FBXL17: variants seen among roughly 807,000 people sequenced by gnomAD.
FBXL17 encodes F-box/LRR-repeat protein 17.
FBXL17 carries 22 observed loss-of-function variants against 66.2 expected under a neutral mutation model. The ratio of observed to expected loss-of-function variants is 0.33; its 90% confidence interval spans 0.24 to 0.47. The LOEUF (loss-of-function observed/expected upper bound fraction) is 0.47. FBXL17 is among the 20% of genes least tolerant of loss of function. The pLI, the probability that FBXL17 is intolerant of heterozygous loss-of-function variation, is 1.00. For synonymous variants in FBXL17, 474 were observed against 400.5 expected (o/e 1.18, Z -2.19); for missense variants, 878 against 948.2 (o/e 0.93, Z 0.97).
rs79651563 is a variant in FBXL17 at position 108,033,806 on chromosome 5, C to T, written c.1746-12805G>A. On this transcript the variant is annotated intron_variant, in intron 6 of 8. Coordinates refer to ENST00000542267, the MANE Select transcript of FBXL17 (RefSeq NM_001163315.3). ...CAAATTTTAGACATTCTGATGAGTTCGTAAAGACGAGTTCAACATTAAAAA... is the reference window on the plus strand; with the variant it reads ...CAAATTTTAGACATTCTGATGAGTTTGTAAAGACGAGTTCAACATTAAAAA... Among the ~76,000 whole-genome samples, 908 of 152,104 alleles carry T rather than the reference C, an allele frequency of 6.0e-3. 7 individuals are homozygous for T. Among genetic ancestry groups the T allele is most frequent in the African/African-American group, 0.021 (872 of 41,496 alleles).
chr5:108,112,710 G>T (rs1023939867), intron 6 of FBXL17, among the ~76,000 whole-genome samples: 1 of 149,218 alleles, frequency 6.7e-6, no homozygotes, highest in African/African-American at 2.4e-5. Flanking sequence ...GCTCAAGAAG[G>T]AGAAGGAATG....
intron 4 of FBXL17, among the ~76,000 whole-genome samples, chr5:108,225,005 G>A (rs912011918): frequency 1.3e-5 from 2 of 151,864 alleles, no homozygotes; most frequent in Admixed American, 6.6e-5. Context: ...CAGTATATTC[G>A]CAAGTTTATG....
chr5:108,008,917 G>A (rs56333026), intron 7 of FBXL17, among the ~76,000 whole-genome samples: 2,685 of 151,648 alleles, frequency 0.018, 60 homozygotes, highest in African/African-American at 0.052. Flanking sequence ...CTTTATGAGC[G>A]GAAATAAAAT....
At chr5:108,298,269 T>G in intron 4 of FBXL17, 1 of 984,820 alleles carries the variant, frequency 1.0e-6, no homozygotes, top group Non-Finnish European at 1.2e-6. Flanking sequence ...CTTACTACTA[T>G]GTGAACAAGA....
intron 6 of FBXL17, among the ~76,000 whole-genome samples, chr5:108,039,565 C>A (rs1326021736): frequency 6.6e-6 from 1 of 152,052 alleles, no homozygotes; most frequent in Admixed American, 6.6e-5. Flanking sequence ...AATAAAATTA[C>A]TTCCCAAAGC....
chr5:108,156,451 T>A (rs1399908858), intron 6 of FBXL17, among the ~76,000 whole-genome samples: 2 of 151,998 alleles, frequency 1.3e-5, no homozygotes, highest in Admixed American at 1.3e-4. Flanking sequence ...AACTACATAA[T>A]CCTATTTATA....
chr5:108,242,203 T>C (rs1755883906), intron 4 of FBXL17, among the ~76,000 whole-genome samples: 1 of 152,130 alleles, frequency 6.6e-6, no homozygotes, highest in Non-Finnish European at 1.5e-5. Context: ...TCAAAAATAA[T>C]AACTACAACA....
chr5:108,249,809 C>G (rs1180761525), intron 4 of FBXL17, among the ~76,000 whole-genome samples: 1 of 152,084 alleles, frequency 6.6e-6, no homozygotes, highest in Non-Finnish European at 1.5e-5. Flanking sequence ...TAGATATATT[C>G]TTGTACTAAC....
chr5:108,365,209 T>G (rs1828457), intron 2 of FBXL17, among the ~76,000 whole-genome samples: 129,986 of 152,006 alleles, frequency 0.86, 55,894 homozygotes, highest in African/African-American at 0.95. Context: ...TCTTGCCACA[T>G]ATTTCCCAAA....
intron 6 of FBXL17, among the ~76,000 whole-genome samples, chr5:108,047,476 C>T (rs1580369767): frequency 6.6e-6 from 1 of 152,196 alleles, no homozygotes; most frequent in Admixed American, 6.5e-5. Context: ...CTGTTTAAGT[C>T]CTGTGAGCTC....
intron 7 of FBXL17, among the ~76,000 whole-genome samples, chr5:107,923,164 C>T (rs1387864061): frequency 6.6e-6 from 1 of 152,050 alleles, no homozygotes; most frequent in Non-Finnish European, 1.5e-5. Context: ...AAAAACAAGG[C>T]AGGAATTGAA....
intron 6 of FBXL17, among the ~76,000 whole-genome samples, chr5:108,025,651 T>C (rs747963240): frequency 6.6e-6 from 1 of 150,986 alleles, no homozygotes; most frequent in Non-Finnish European, 1.5e-5. Context: ...AGATGGTAAG[T>C]GGGTAGGGGC....
In FBXL17 at chr5:108,015,923, T is replaced by C. The variant is rs181031086; in HGVS notation, c.1822+5002A>G. On this transcript the variant is annotated intron_variant, in intron 7 of 8. Coordinates refer to ENST00000542267, the MANE Select transcript of FBXL17 (RefSeq NM_001163315.3). ...ATTCTTGTCTGGAAAACAAGATGCA[T>C]TTTTTTTAATAAGCAGGCTAGCCTG... Among the ~76,000 whole-genome samples, 1,039 of 118,930 alleles carry C rather than the reference T, an allele frequency of 8.7e-3. 9 individuals are homozygous for C. Among genetic ancestry groups the C allele is most frequent in the African/African-American group, 0.024 (940 of 38,942 alleles). The allele number at this position is 118,930 out of a possible 152,430, so 78.0% of individuals were successfully genotyped here. A position where few individuals can be genotyped will look rare whatever the true frequency, so the allele number is the denominator to read the frequency against.
At chr5:108,255,782 T>G (rs1353435434) in intron 4 of FBXL17, among the ~76,000 whole-genome samples, 1 of 152,120 alleles carries the variant, frequency 6.6e-6, no homozygotes, top group African/African-American at 2.4e-5. Flanking sequence ...AAACATTTGT[T>G]GAGGAAATTA....
At chr5:107,927,947 T>A (rs763397447) in intron 7 of FBXL17, among the ~76,000 whole-genome samples, 1 of 152,092 alleles carries the variant, frequency 6.6e-6, no homozygotes, top group African/African-American at 2.4e-5. Context: ...AGATACCAAA[T>A]ATCCAAATAT....
At chr5:108,102,023 C>A (rs954956171) in intron 6 of FBXL17, among the ~76,000 whole-genome samples, 1 of 152,150 alleles carries the variant, frequency 6.6e-6, no homozygotes, top group East Asian at 1.9e-4. Flanking sequence ...ATTGGTGCGG[C>A]AGGGAATTTA....
intron 5 of FBXL17, among the ~76,000 whole-genome samples, chr5:108,222,494 G>C (rs1050680524): frequency 6.6e-6 from 1 of 151,988 alleles, no homozygotes; most frequent in Non-Finnish European, 1.5e-5. Context: ...AGAATAACAG[G>C]CCTATCCTCT....
Position 108,235,725 on chromosome 5 carries a change from C to T in FBXL17, c.1507-11497G>A, listed in dbSNP as rs555881037. Among the ~76,000 whole-genome samples, 4 of 152,324 alleles carry T rather than the reference C, an allele frequency of 2.6e-5. No homozygotes were observed. The South Asian group carries it at 8.3e-4, about 32-fold the overall frequency. The stretch of plus-strand genomic sequence containing the variant: ...TCATTTCATCCCACTATCCCCTCTC[C>T]TTGATCACTTTGTGATGATCTTTCC... On this transcript the variant is annotated intron_variant, in intron 4 of 8. Coordinates refer to ENST00000542267, the MANE Select transcript of FBXL17 (RefSeq NM_001163315.3).
At chr5:107,945,013 A>G (rs1040883443) in intron 7 of FBXL17, among the ~76,000 whole-genome samples, 4 of 152,062 alleles carry the variant, frequency 2.6e-5, no homozygotes, top group African/African-American at 4.8e-5. Context: ...CCAGTAAAAA[A>G]TATAACTGAC....
Sources: allele counts gnomAD v4.1 joint callset (sites outside exome capture counted in the v4.1 genomes callset), GRCh38; gene constraint gnomAD v4.1.1; transcripts MANE v1.5; gene names NCBI Gene and HGNC (gene_info 2026-07-23, HGNC 2026-07-21).